The following LPP variants were observed in gnomAD, a reference collection of about 807,000 sequenced individuals.
LPP encodes lipoma-preferred partner.
In LPP, 38 loss-of-function variants were observed where a neutral mutation model predicts 60.4. The ratio of observed to expected loss-of-function variants is 0.63; its 90% CI spans 0.49 to 0.83. The LOEUF (loss-of-function observed/expected upper bound fraction) is 0.83. LPP is among the 40% of genes least tolerant of loss of function. The probability of loss-of-function intolerance (pLI) is 0.00; values close to 1 mark genes in which losing one functional copy is unlikely to be tolerated. For missense variants in LPP, 902 were observed against 783.6 expected, an observed-to-expected ratio of 1.15 and a Z score of -1.80; for synonymous variants, 328 against 290.8, an observed-to-expected ratio of 1.13 and a Z score of -1.30.
intron 5 of LPP, among the ~76,000 whole-genome samples, chr3:188,513,695 T>A (rs895706442): frequency 6.6e-6 from 1 of 152,122 alleles, no homozygotes; most frequent in Admixed American, 6.5e-5. Flanking sequence ...TAGGTAAATA[T>A]TGTGAAAAGT....
chr3:188,212,688 T>G (rs1711730687), intron 1 of LPP: 1 of 146,358 alleles, frequency 6.8e-6, no homozygotes, highest in Admixed American at 6.8e-5. Flanking sequence ...TCCCTTGTTC[T>G]GGAAGCTGAG....
intron 2 of LPP, among the ~76,000 whole-genome samples, chr3:188,252,867 G>A (rs1375341023): frequency 1.3e-5 from 2 of 152,144 alleles, no homozygotes; most frequent in Non-Finnish European, 2.9e-5. Flanking sequence ...CGCCTCCCAG[G>A]TTCAAGTGAT....
intron 1 of LPP, among the ~76,000 whole-genome samples, chr3:188,158,278 G>A (rs1358757224): frequency 2.0e-5 from 3 of 152,164 alleles, no homozygotes; most frequent in Admixed American, 6.5e-5. Flanking sequence ...AAGAAACTTA[G>A]TAGAGTGAGG....
chr3:188,751,932 A>G (rs1728208313), intron 8 of LPP, among the ~76,000 whole-genome samples: 1 of 152,334 alleles, frequency 6.6e-6, no homozygotes, highest in South Asian at 2.1e-4. Context: ...TCAGTAAAAT[A>G]TTGATAAATA....
At chr3:188,735,306 G>A (rs1343135022) in intron 8 of LPP, among the ~76,000 whole-genome samples, 1 of 151,534 alleles carries the variant, frequency 6.6e-6, no homozygotes, top group Admixed American at 6.6e-5. Flanking sequence ...GAATTAGCCG[G>A]GTTAAGTCAC....
At chr3:188,843,333 G>A (rs541273452) in intron 9 of LPP, among the ~76,000 whole-genome samples, 1 of 152,266 alleles carries the variant, frequency 6.6e-6, no homozygotes, top group African/African-American at 2.4e-5. Flanking sequence ...AAGGGTACTG[G>A]CCCGAGAGTT....
rs191777794 is a variant in LPP, at chr3:188,234,362, T to C, written c.-67+8835T>C. ...TGGCCAAATGATGTGTTGGTAGTGG[T>C]TCCTTGAGGTGCTGTGCTGAGAAGG... On this transcript the variant is annotated intron_variant, in intron 2 of 11. Coordinates refer to ENST00000617246, the MANE Select transcript of LPP (RefSeq NM_001375462.1). 4.5e-4 allele frequency among the ~76,000 whole-genome samples: 69 copies of C among 152,310 alleles called. No homozygotes were observed. In the East Asian group the frequency reaches 0.012, roughly 26 times the overall value.
intron 1 of LPP, among the ~76,000 whole-genome samples, chr3:188,188,743 T>C (rs1198177706): frequency 1.3e-5 from 2 of 152,202 alleles, no homozygotes; most frequent in Admixed American, 1.3e-4. Context: ...AGCATGGTAA[T>C]TGATGTATTG....
intron 9 of LPP, among the ~76,000 whole-genome samples, chr3:188,765,113 T>C (rs760075996): frequency 4.6e-5 from 7 of 152,302 alleles, no homozygotes; most frequent in Non-Finnish European, 1.0e-4. Flanking sequence ...TTCTTCTTAA[T>C]AAAATGTTTT....
At chr3:188,637,053 A>C (rs1387638213) in intron 7 of LPP, among the ~76,000 whole-genome samples, 8 of 150,178 alleles carry the variant, frequency 5.3e-5, no homozygotes, top group Admixed American at 5.3e-4. Context: ...AAATCAACAG[A>C]ATATACATTT....
intron 9 of LPP, among the ~76,000 whole-genome samples, chr3:188,796,099 A>G (rs992250249): frequency 1.3e-5 from 2 of 152,202 alleles, no homozygotes; most frequent in African/African-American, 4.8e-5. Context: ...CTGTTAAGGG[A>G]GATGGACAGA....
intron 6 of LPP, among the ~76,000 whole-genome samples, chr3:188,538,669 T>C (rs12152455): frequency 0.48 from 72,683 of 151,992 alleles, 18,237 homozygotes; most frequent in East Asian, 0.92. Context: ...CAAGCAATTA[T>C]ATTTCTATTT....
intron 6 of LPP, among the ~76,000 whole-genome samples, chr3:188,591,244 C>T (rs1838643428): frequency 6.6e-6 from 1 of 152,192 alleles, no homozygotes; most frequent in African/African-American, 2.4e-5. Flanking sequence ...CACCCTTTCT[C>T]TTAAAGGATC....
At chr3:188,250,404 C>A (rs6809682) in intron 2 of LPP, among the ~76,000 whole-genome samples, 89,858 of 152,018 alleles carry the variant, frequency 0.59, 26,898 homozygotes, top group Middle Eastern at 0.68. Context: ...GTGTCCATCT[C>A]TCCGTCATTG....
intron 2 of LPP, among the ~76,000 whole-genome samples, chr3:188,240,544 T>C (rs1724013217): frequency 6.6e-6 from 1 of 152,282 alleles, no homozygotes; most frequent in Admixed American, 6.5e-5. Flanking sequence ...CTGATGTGCC[T>C]AGAGTAGTTG....
chr3:188,689,530 A>G (rs1356600615), intron 7 of LPP, among the ~76,000 whole-genome samples: 1 of 152,178 alleles, frequency 6.6e-6, no homozygotes, highest in Non-Finnish European at 1.5e-5. Flanking sequence ...CAACTTTTTT[A>G]GATTCCACAC....
At chr3:188,782,123 T>G (rs776400438) in intron 9 of LPP, among the ~76,000 whole-genome samples, 28 of 152,202 alleles carry the variant, frequency 1.8e-4, no homozygotes, top group Non-Finnish European at 3.4e-4. Flanking sequence ...AAGAGTATCA[T>G]AGTTATTCAT....
intron 7 of LPP, among the ~76,000 whole-genome samples, chr3:188,613,249 T>TCTATAC (rs1553944142): frequency 2.6e-4 from 34 of 131,574 alleles, no homozygotes; most frequent in Admixed American, 4.8e-4. Flanking sequence ...ATTTTATATA[T>TCTATAC]CTATATCTAT....
chr3:188,879,158 C>G lies in LPP; in HGVS notation c.*4679C>G, dbSNP rs192970682. On this transcript the variant is annotated 3_prime_UTR_variant, in exon 12 of 12. Coordinates refer to ENST00000617246, the MANE Select transcript of LPP (RefSeq NM_001375462.1). ...CTAGAATGAAACTTTTCTCATGAGGCTGTTGTTTGGTTAGCATAGCCTTAT... is the reference window on the plus strand; with the variant it reads ...CTAGAATGAAACTTTTCTCATGAGGGTGTTGTTTGGTTAGCATAGCCTTAT... The G allele has an allele frequency of 8.9e-4, 206 of 230,472 alleles. No individual in the cohort carries two copies. The highest frequency in any genetic ancestry group is 1.5e-3 in the Non-Finnish European group (174 of 116,272). The allele number at this position is 230,472 out of a possible 1,614,324, so 14.3% of individuals were successfully genotyped here. A position where few individuals can be genotyped will look rare whatever the true frequency, so the allele number is the denominator to read the frequency against.
Sources: gnomAD v4.1 joint callset for allele counts (sites outside exome capture counted in the v4.1 genomes callset) on GRCh38, gnomAD v4.1.1 for gene constraint, MANE v1.5 for transcripts, NCBI Gene and HGNC (gene_info 2026-07-23, HGNC 2026-07-21) for gene names.